C1orf21: variants seen among roughly 807,000 people sequenced by gnomAD.
C1orf21 encodes uncharacterized protein C1orf21.
In C1orf21, 3 loss-of-function variants were observed where a neutral mutation model predicts 18.7. That is an observed-to-expected ratio of 0.16 (90% CI 0.07 to 0.42). C1orf21 has a LOEUF of 0.42. Among genes scored for constraint, C1orf21 ranks in the 10% least tolerant of loss-of-function variants. The pLI is 0.99. For missense variants in C1orf21, 104 were observed against 143.6 expected, an observed-to-expected ratio of 0.72 and a Z score of 1.41; for synonymous variants, 41 against 46.4, an observed-to-expected ratio of 0.88 and a Z score of 0.47.
chr1:184,582,413 C>A (rs1485003102), intron 3 of C1orf21, among the ~76,000 whole-genome samples: 7 of 152,256 alleles, frequency 4.6e-5, no homozygotes, highest in African/African-American at 1.7e-4. Context: ...CACACATGCT[C>A]ACAGTCTGTG....
intron 3 of C1orf21, chr1:184,567,173 A>G (rs371721052): frequency 2.1e-6 from 1 of 477,978 alleles, no homozygotes. Flanking sequence ...GTGTGAGCTC[A>G]CAGTCCACAC....
chr1:184,433,287 C>G (rs1656798999), intron 1 of C1orf21, among the ~76,000 whole-genome samples: 3 of 151,876 alleles, frequency 2.0e-5, no homozygotes, highest in Non-Finnish European at 2.9e-5. Context: ...CACTGGGGCT[C>G]TCTGCTGGGC....
At chr1:184,396,275 G>T (rs1308126266) in intron 1 of C1orf21, among the ~76,000 whole-genome samples, 2 of 152,164 alleles carry the variant, frequency 1.3e-5, no homozygotes, top group Non-Finnish European at 2.9e-5. Context: ...TTGAGTATGG[G>T]TAAGAGACTG....
intron 1 of C1orf21, among the ~76,000 whole-genome samples, chr1:184,431,813 C>T (rs9726931): frequency 0.99 from 150,991 of 152,184 alleles, 74,908 homozygotes; most frequent in East Asian, 1. Context: ...GCCAGGAACT[C>T]AAACAAATTT....
At chr1:184,480,273 T>A (rs1657634284) in intron 2 of C1orf21, among the ~76,000 whole-genome samples, 2 of 152,168 alleles carry the variant, frequency 1.3e-5, no homozygotes, top group South Asian at 2.1e-4. Flanking sequence ...TATTCAAGAA[T>A]AATAAATATT....
chr1:184,417,070 T>A (rs531655151), intron 1 of C1orf21, among the ~76,000 whole-genome samples: 9 of 152,102 alleles, frequency 5.9e-5, no homozygotes, highest in African/African-American at 1.9e-4. Context: ...TGAATGAAAA[T>A]CTCTTGTGGG....
At chr1:184,497,333 A>C (rs1052639005) in intron 2 of C1orf21, among the ~76,000 whole-genome samples, 1 of 152,234 alleles carries the variant, frequency 6.6e-6, no homozygotes. Context: ...AACACACTTT[A>C]GTCTCTGAGG....
At chr1:184,537,767 C>T (rs1035850598) in intron 3 of C1orf21, among the ~76,000 whole-genome samples, 2 of 152,182 alleles carry the variant, frequency 1.3e-5, no homozygotes, top group Non-Finnish European at 2.9e-5. Flanking sequence ...TCTCCTGCCT[C>T]AGCCTCCCGA....
chr1:184,572,882 C>T (rs1196627086), intron 3 of C1orf21, among the ~76,000 whole-genome samples: 3 of 150,058 alleles, frequency 2.0e-5, no homozygotes, highest in African/African-American at 2.5e-5. Flanking sequence ...AACCAGGAGG[C>T]GGAGGTTGCA....
intron 1 of C1orf21, among the ~76,000 whole-genome samples, chr1:184,417,913 T>C (rs944609817): frequency 3.9e-5 from 6 of 152,182 alleles, no homozygotes; most frequent in Admixed American, 1.3e-4. Flanking sequence ...TGCATGAATG[T>C]GTGGGGGCAG....
chr1:184,396,459 A>G (rs75425337), intron 1 of C1orf21, among the ~76,000 whole-genome samples: 2,644 of 152,282 alleles, frequency 0.017, 81 homozygotes, highest in African/African-American at 0.06. Flanking sequence ...GTAAAGGATA[A>G]TTGTAAAATT....
At chr1:184,465,643 A>G (rs1475283856) in intron 1 of C1orf21, among the ~76,000 whole-genome samples, 1 of 152,204 alleles carries the variant, frequency 6.6e-6, no homozygotes, top group Non-Finnish European at 1.5e-5. Context: ...GCAGTTTGCC[A>G]GCTGTACCTT....
chr1:184,507,817 C>A (rs1213835120), intron 3 of C1orf21, 135 bp downstream of exon 3: 11 of 675,186 alleles, frequency 1.6e-5, no homozygotes, highest in Non-Finnish European at 2.2e-5. Context: ...TATAGCTTGC[C>A]TGGAAGCTGC....
At chr1:184,535,395 G>T (rs1175308571) in intron 3 of C1orf21, among the ~76,000 whole-genome samples, 1 of 152,128 alleles carries the variant, frequency 6.6e-6, no homozygotes, top group African/African-American at 2.4e-5. Context: ...AGGAGAGAAA[G>T]AATTTCTTGT....
intron 2 of C1orf21, among the ~76,000 whole-genome samples, chr1:184,499,298 A>T (rs1657937976): frequency 6.6e-6 from 1 of 152,248 alleles, no homozygotes; most frequent in Non-Finnish European, 1.5e-5. Context: ...ACTTTAAGAC[A>T]AGTTGTAAAG....
intron 1 of C1orf21, among the ~76,000 whole-genome samples, chr1:184,410,634 T>TGGCA (rs1656324205): frequency 2.9e-4 from 1 of 3,440 alleles, no homozygotes; most frequent in Admixed American, 3.8e-3. Context: ...TATATATATA[T>TGGCA]ATATATATAT....
At chr1:184,410,981 G>A (rs932107018) in intron 1 of C1orf21, among the ~76,000 whole-genome samples, 5 of 151,654 alleles carry the variant, frequency 3.3e-5, no homozygotes, top group Non-Finnish European at 7.4e-5. Context: ...CTAAATCTCT[G>A]CATCAACTAG....
At position 184,617,904 on chromosome 1, in the gene C1orf21, GTTT is replaced by G. The variant is rs142357373; in HGVS notation, c.328-1593_328-1591del. ...CATTGTGTGGCAGTTTGTTGTTGTTGTTTTTTTTTTTTTTTTTTTTTTTGAGAT... is the reference window on the plus strand; with the variant it reads ...CATTGTGTGGCAGTTTGTTGTTGTTGTTTTTTTTTTTTTTTTTTTTGAGAT... On this transcript the variant is annotated intron_variant, in intron 5 of 5. Transcript: ENST00000235307. Among the ~76,000 whole-genome samples, 219 of 87,494 alleles carry G rather than the reference GTTT, an allele frequency of 2.5e-3. 1 individual carries two copies. Among genetic ancestry groups the G allele is most frequent in the African/African-American group, 6.9e-3 (166 of 23,936 alleles). The allele number at this position is 87,494 out of a possible 152,430, so 57.4% of individuals were successfully genotyped here.
intron 3 of C1orf21, among the ~76,000 whole-genome samples, chr1:184,546,570 C>T (rs528673865): frequency 1.3e-5 from 2 of 152,326 alleles, no homozygotes; most frequent in South Asian, 4.1e-4. Flanking sequence ...TCTGATACCA[C>T]TTAATTATAC....
Sources: gnomAD v4.1 joint callset for allele counts (sites outside exome capture counted in the v4.1 genomes callset) on GRCh38, gnomAD v4.1.1 for gene constraint, MANE v1.5 for transcripts, NCBI Gene and HGNC (gene_info 2026-07-23, HGNC 2026-07-21) for gene names.